GALNTL6: variants seen among roughly 807,000 people sequenced by gnomAD.
The protein encoded by GALNTL6 is polypeptide N-acetylgalactosaminyltransferase-like 6.
In GALNTL6, 46 loss-of-function variants were observed where a neutral mutation model predicts 73.7. The observed-to-expected ratio is 0.62, with a 90% confidence interval of 0.49 to 0.80. The LOEUF (loss-of-function observed/expected upper bound fraction) is 0.80. GALNTL6 is among the 30% of genes least tolerant of loss of function. The pLI is 0.00. For synonymous variants in GALNTL6, 259 were observed against 263.7 expected (o/e 0.98, Z 0.17); for missense variants, 604 against 755.0 (o/e 0.80, Z 2.34).
chr4:173,014,951 C>A (rs886657775), intron 11 of GALNTL6, among the ~76,000 whole-genome samples: 2 of 152,070 alleles, frequency 1.3e-5, no homozygotes, highest in Non-Finnish European at 2.9e-5. Context: ...TGGGAGGGAC[C>A]CAGTGGGAGG....
intron 5 of GALNTL6, among the ~76,000 whole-genome samples, chr4:172,798,262 C>T (rs747299354): frequency 6.6e-6 from 1 of 152,200 alleles, no homozygotes; most frequent in Non-Finnish European, 1.5e-5. Context: ...TCTGGGTCCC[C>T]ACCCAAATCT....
chr4:172,666,660 T>G (rs1731683850), intron 5 of GALNTL6: 1 of 152,222 alleles, frequency 6.6e-6, no homozygotes. Flanking sequence ...AAAAAACTTT[T>G]GTCTTCCTTT....
intron 7 of GALNTL6, among the ~76,000 whole-genome samples, chr4:172,851,103 T>C (rs73870303): frequency 2.1e-3 from 324 of 152,196 alleles, no homozygotes; most frequent in African/African-American, 7.2e-3. Flanking sequence ...AGTTTCAAGC[T>C]TCTAATCGTG....
intron 2 of GALNTL6, among the ~76,000 whole-genome samples, chr4:171,952,855 TA>T (rs1032254762): frequency 1.6e-5 from 2 of 121,654 alleles, no homozygotes; most frequent in African/African-American, 6.2e-5. Flanking sequence ...TAGAAAGTAA[TA>T]AATATATAAA....
chr4:172,734,136 C>T (rs898023675), intron 5 of GALNTL6, among the ~76,000 whole-genome samples: 8 of 152,126 alleles, frequency 5.3e-5, no homozygotes, highest in Non-Finnish European at 7.3e-5. Flanking sequence ...CCTCTGCCTT[C>T]GAGATCTGTG....
At chr4:172,402,245 T>C (rs1744069609) in intron 5 of GALNTL6, among the ~76,000 whole-genome samples, 1 of 152,096 alleles carries the variant, frequency 6.6e-6, no homozygotes. Context: ...AACTTAACAC[T>C]GTGATGTTGT....
At chr4:171,824,075 TTTTATATA>T (rs1348993897) in intron 2 of GALNTL6, among the ~76,000 whole-genome samples, 1 of 37,700 alleles carries the variant, frequency 2.7e-5, no homozygotes, top group Non-Finnish European at 5.6e-5. Context: ...CACAAATCCA[TTTTATATA>T]TATATATATA....
At chr4:172,568,293 G>C (rs1042240499) in intron 5 of GALNTL6, among the ~76,000 whole-genome samples, 2 of 152,072 alleles carry the variant, frequency 1.3e-5, no homozygotes. Flanking sequence ...AATAGAACTT[G>C]GCGGCTGATT....
At chr4:172,252,817 C>T (rs954589959) in intron 3 of GALNTL6, among the ~76,000 whole-genome samples, 31 of 151,238 alleles carry the variant, frequency 2.0e-4, no homozygotes, top group African/African-American at 6.1e-4. Flanking sequence ...TGGTACCTTA[C>T]GTTCATGTAA....
chr4:172,022,178 G>C (rs1047854126), intron 2 of GALNTL6, among the ~76,000 whole-genome samples: 1 of 151,832 alleles, frequency 6.6e-6, no homozygotes. Context: ...ATATTTGCAA[G>C]GTACCTATCT....
chr4:172,756,300 T>A (rs1184312025), intron 5 of GALNTL6, among the ~76,000 whole-genome samples: 1 of 152,186 alleles, frequency 6.6e-6, no homozygotes, highest in Non-Finnish European at 1.5e-5. Context: ...AAAATAATCA[T>A]AGAACAACAC....
At position 172,314,198 on chromosome 4, in the gene GALNTL6, A is replaced by G. The variant is rs557797253; in HGVS notation, c.386+2446A>G. Among the ~76,000 whole-genome samples the G allele has an allele frequency of 4.6e-5, 7 of 152,310 alleles. No homozygotes were observed. In the South Asian group the frequency reaches 8.3e-4, roughly 18 times the overall value. On this transcript the variant is annotated intron_variant, in intron 4 of 12. Coordinates refer to ENST00000506823, the MANE Select transcript of GALNTL6 (RefSeq NM_001034845.3). ...GATGGACCATAGCTTTTTTATATTG[A>G]CACAATCTATAGAATAGAATGCAAA... is the stretch of plus-strand genomic sequence containing the variant.
chr4:172,736,800 C>T (rs1383070624), intron 5 of GALNTL6, among the ~76,000 whole-genome samples: 1 of 152,210 alleles, frequency 6.6e-6, no homozygotes, highest in Non-Finnish European at 1.5e-5. Context: ...TTCAGCTGGT[C>T]CCTCCATTCG....
rs576829249 is a variant in GALNTL6, at chr4:172,033,432, G to A, written c.139-196224G>A. Among the ~76,000 whole-genome samples, 383 of 151,940 alleles carry A rather than the reference G, an allele frequency of 2.5e-3. 1 individual carries two copies. Among genetic ancestry groups the A allele is most frequent in the African/African-American group, 8.9e-3 (368 of 41,466 alleles). Reference sequence around the variant, plus strand: ...TCAGAGTTTCTGTGGCTTATGTAGTGTATTTCTACACTAAAAAATTAGAAT... The same window carrying A: ...TCAGAGTTTCTGTGGCTTATGTAGTATATTTCTACACTAAAAAATTAGAAT... On this transcript the variant is annotated intron_variant, in intron 2 of 12. Coordinates refer to ENST00000506823, the MANE Select transcript of GALNTL6 (RefSeq NM_001034845.3).
At chr4:172,437,981 C>T (rs897675706) in intron 5 of GALNTL6, among the ~76,000 whole-genome samples, 3 of 152,132 alleles carry the variant, frequency 2.0e-5, no homozygotes, top group South Asian at 4.1e-4. Flanking sequence ...CATTTTCACT[C>T]CTTTCTTCAA....
At chr4:172,901,914 G>C (rs1327351223) in intron 8 of GALNTL6, among the ~76,000 whole-genome samples, 2 of 152,136 alleles carry the variant, frequency 1.3e-5, no homozygotes, top group Non-Finnish European at 2.9e-5. Flanking sequence ...CCAGTCTTCA[G>C]TCTCTTTTAA....
chr4:171,954,110 A>T (rs67364854), intron 2 of GALNTL6, among the ~76,000 whole-genome samples: 66,353 of 151,990 alleles, frequency 0.44, 16,388 homozygotes, highest in Admixed American at 0.56. Flanking sequence ...CGCTAAAAAA[A>T]TAAGAAAAAT....
rs375567664 is a variant in GALNTL6, at chr4:172,023,902, A to G, written c.139-205754A>G. On this transcript the variant is annotated intron_variant, in intron 2 of 12. Coordinates refer to ENST00000506823, the MANE Select transcript of GALNTL6 (RefSeq NM_001034845.3). Reference sequence around the variant, plus strand: ...CCTTGTAATTACTTAAAAGTATAATAATCAAATCCCCTATAATGATGGTTA... The same window carrying G: ...CCTTGTAATTACTTAAAAGTATAATGATCAAATCCCCTATAATGATGGTTA... Among the ~76,000 whole-genome samples the G allele has an allele frequency of 7.2e-5, 11 of 152,008 alleles. No homozygotes were observed. The South Asian group carries it at 1.0e-3, about 14-fold the overall frequency.
At chr4:173,036,866 C>T (rs1753717423) in intron 12 of GALNTL6, among the ~76,000 whole-genome samples, 1 of 152,188 alleles carries the variant, frequency 6.6e-6, no homozygotes, top group Non-Finnish European at 1.5e-5. Context: ...AGTTCTGTTA[C>T]AGCCATCAAT....
Sources: gnomAD v4.1 joint callset for allele counts (sites outside exome capture counted in the v4.1 genomes callset) on GRCh38, gnomAD v4.1.1 for gene constraint, MANE v1.5 for transcripts, NCBI Gene and HGNC (gene_info 2026-07-23, HGNC 2026-07-21) for gene names.